Variants in HERC3 observed in about 807,000 individuals in gnomAD.
The protein encoded by HERC3 is probable E3 ubiquitin-protein ligase HERC3.
HERC3 carries 58 observed loss-of-function variants against 129.9 expected under a neutral mutation model. The observed-to-expected ratio is 0.45, with a 90% CI of 0.36 to 0.56. The LOEUF is 0.56. Among genes scored for constraint, HERC3 ranks in the 20% least tolerant of loss-of-function variants. The pLI is 0.00. For missense variants in HERC3, 835 were observed against 1,244.2 expected (o/e 0.67, Z 4.95); for synonymous variants, 430 against 451.0 (o/e 0.95, Z 0.59).
At chr4:88,603,016 T>C (rs1723185167) in intron 2 of HERC3, among the ~76,000 whole-genome samples, 1 of 152,126 alleles carries the variant, frequency 6.6e-6, no homozygotes, top group Admixed American at 6.5e-5. Context: ...TGTAAGGGTG[T>C]TGTGTCTTAA....
the HERC3 span, among the ~76,000 whole-genome samples, chr4:88,539,288 G>T: frequency 1.3e-5 from 2 of 152,262 alleles, no homozygotes; most frequent in South Asian, 4.1e-4. Context: ...TGGCTCTGCG[G>T]GTCCCATGCC....
chr4:88,527,907 G>A, the HERC3 span: 9 of 274,752 alleles, frequency 3.3e-5, no homozygotes, highest in South Asian at 1.7e-4. Context: ...GCACCAAGGC[G>A]ATGTGGGACT....
upstream of HERC3, among the ~76,000 whole-genome samples, chr4:88,587,619 TTAGCTTTTC>T (rs1432176409): frequency 5.3e-5 from 8 of 152,262 alleles, no homozygotes; most frequent in Non-Finnish European, 1.5e-5. Flanking sequence ...CAGGTTCACT[TTAGCTTTTC>T]TAGGAAATAA....
chr4:88,661,437 T>C (rs936746840), intron 10 of HERC3, among the ~76,000 whole-genome samples: 2 of 152,132 alleles, frequency 1.3e-5, no homozygotes, highest in Non-Finnish European at 2.9e-5. Flanking sequence ...ACCAAGAAAA[T>C]TTACTTTGAA....
chr4:88,581,625 A>T, the HERC3 span, among the ~76,000 whole-genome samples: 11 of 151,872 alleles, frequency 7.2e-5, no homozygotes, highest in Non-Finnish European at 8.8e-5. Flanking sequence ...TCTATTTTTT[A>T]AAAAATAATA....
the HERC3 span, among the ~76,000 whole-genome samples, chr4:88,549,028 T>A: frequency 4.6e-5 from 7 of 152,284 alleles, no homozygotes; most frequent in African/African-American, 1.7e-4. Flanking sequence ...CAGTTGCTTG[T>A]GCTTTTGGTG....
Position 88,679,642 on chromosome 4 carries a change from C to G in HERC3, c.2197-451C>G, listed in dbSNP as rs558226152. Among the ~76,000 whole-genome samples the G allele has an allele frequency of 2.6e-5, 4 of 151,996 alleles. No individual in the cohort carries two copies. The South Asian group carries it at 8.3e-4, about 32-fold the overall frequency. Reference sequence around the variant, plus strand: ...TCAAGCGACACTCCTGTCTCAGCCTCCCGAGTAGTGGATTACAGGTGCCCA... The same window carrying G: ...TCAAGCGACACTCCTGTCTCAGCCTGCCGAGTAGTGGATTACAGGTGCCCA... On this transcript the variant is annotated intron_variant, in intron 19 of 25. Transcript: ENST00000402738.
the HERC3 span, among the ~76,000 whole-genome samples, chr4:88,575,586 C>T: frequency 6.6e-6 from 1 of 152,206 alleles, no homozygotes; most frequent in Non-Finnish European, 1.5e-5. Flanking sequence ...GGGACTTTTC[C>T]TTCCTGAAGT....
At chr4:88,526,284 GA>G in the HERC3 span, among the ~76,000 whole-genome samples, 2 of 152,134 alleles carry the variant, frequency 1.3e-5, no homozygotes, top group Non-Finnish European at 2.9e-5. Context: ...TCACACACAT[GA>G]AGTTAGAAAT....
At chr4:88,581,900 C>A in the HERC3 span, among the ~76,000 whole-genome samples, 3 of 152,130 alleles carry the variant, frequency 2.0e-5, no homozygotes, top group Admixed American at 1.3e-4. Flanking sequence ...CTGGTAATCT[C>A]TTTTCAAAGA....
chr4:88,537,150 T>A, the HERC3 span, among the ~76,000 whole-genome samples: 1 of 152,206 alleles, frequency 6.6e-6, no homozygotes, highest in South Asian at 2.1e-4. Flanking sequence ...TTATACAATA[T>A]TACTGTATAA....
upstream of HERC3, among the ~76,000 whole-genome samples, chr4:88,591,160 C>T (rs554479180): frequency 7.9e-5 from 12 of 152,160 alleles, no homozygotes; most frequent in African/African-American, 2.6e-4. Flanking sequence ...CCCAAAGTGC[C>T]GAGATTACAG....
At chr4:88,689,520 C>T (rs1733837200) in intron 23 of HERC3, among the ~76,000 whole-genome samples, 1 of 129,062 alleles carries the variant, frequency 7.7e-6, no homozygotes. Flanking sequence ...CCTCATCTCC[C>T]CCCGCCCCCG....
At chr4:88,549,301 A>T in the HERC3 span, among the ~76,000 whole-genome samples, 1 of 149,130 alleles carries the variant, frequency 6.7e-6, no homozygotes, top group African/African-American at 2.5e-5. Flanking sequence ...TAGGTTTTTT[A>T]CTTAACAGTA....
chr4:88,569,258 A>G, the HERC3 span, among the ~76,000 whole-genome samples: 3 of 152,140 alleles, frequency 2.0e-5, no homozygotes, highest in African/African-American at 7.2e-5. Context: ...CTGAGTTCCA[A>G]TGGAAAGTCC....
At chr4:88,559,730 T>G in the HERC3 span, among the ~76,000 whole-genome samples, 1 of 152,192 alleles carries the variant, frequency 6.6e-6, no homozygotes, top group Admixed American at 6.5e-5. Context: ...CTATTGTGGA[T>G]AATGCTGCAA....
chr4:88,636,564 A>G (rs1727425606), intron 3 of HERC3, among the ~76,000 whole-genome samples: 1 of 152,182 alleles, frequency 6.6e-6, no homozygotes, highest in Non-Finnish European at 1.5e-5. Context: ...TTAACACCCT[A>G]CTGTCAATGT....
chr4:88,602,236 A>G (rs1036508816), intron 2 of HERC3, among the ~76,000 whole-genome samples: 2 of 151,566 alleles, frequency 1.3e-5, no homozygotes, highest in Admixed American at 6.6e-5. Flanking sequence ...CCCTGTCTCT[A>G]CTAAAATACC....
intron 3 of HERC3, among the ~76,000 whole-genome samples, chr4:88,613,941 G>C (rs1468940035): frequency 7.1e-6 from 1 of 139,976 alleles, no homozygotes; most frequent in Non-Finnish European, 1.5e-5. Context: ...TAATTTTATT[G>C]TGGGATAATT....
Sources: allele counts gnomAD v4.1 joint callset (sites outside exome capture counted in the v4.1 genomes callset), GRCh38; gene constraint gnomAD v4.1.1; transcripts MANE v1.5; gene names NCBI Gene and HGNC (gene_info 2026-07-23, HGNC 2026-07-21).